The following CSMD1 variants were observed in gnomAD, a reference collection of about 807,000 sequenced individuals.
The protein encoded by CSMD1 is CUB and sushi domain-containing protein 1.
CSMD1 carries 213 observed loss-of-function variants against 417.5 expected under a neutral mutation model. The ratio of observed to expected loss-of-function variants is 0.51; its 90% CI spans 0.46 to 0.57. The LOEUF is 0.57. CSMD1 is among the 20% of genes least tolerant of loss of function. CSMD1 has a pLI of 0.00. For missense variants in CSMD1, 6,923 were observed against 4,529.7 expected, an observed-to-expected ratio of 1.53 and a Z score of -15.17; for synonymous variants, 2,862 against 1,736.8, an observed-to-expected ratio of 1.65 and a Z score of -16.11.
chr8:2,950,269 T>C lies in CSMD1; in HGVS notation c.10276A>G (p.Ser3426Gly). Residue 3426 changes from serine (S) to glycine (G), a missense_variant, in exon 67 of 70, where the codon AGC becomes GGC. Transcript: ENST00000635120. ...QIKGQADIFV[S>G]KFENDNWGLD... is the part of the protein sequence containing the mutation. ...CCCCAGTTGTCATTTTCGAACTTGC[T>C]TACAAAAATATCTGCCTGGCCTTTA... 6.2e-7 allele frequency: 1 copy of C among 1,613,304 alleles called. No individual in the cohort carries two copies. The highest frequency in any genetic ancestry group is 1.3e-5 in the African/African-American group (1 of 75,018).
chr8:3,668,044 C>T (rs1357420072), intron 7 of CSMD1, among the ~76,000 whole-genome samples: 1 of 152,132 alleles, frequency 6.6e-6, no homozygotes, highest in Non-Finnish European at 1.5e-5. Context: ...GTCCCCATCC[C>T]AAGGATGAGC....
At chr8:3,634,233 A>T (rs780536620) in intron 7 of CSMD1, among the ~76,000 whole-genome samples, 3 of 152,204 alleles carry the variant, frequency 2.0e-5, no homozygotes, top group Non-Finnish European at 4.4e-5. Context: ...TCACGTGATT[A>T]ATGGTGGGGG....
intron 3 of CSMD1, among the ~76,000 whole-genome samples, chr8:4,098,571 G>A (rs543650165): frequency 4.6e-5 from 7 of 152,158 alleles, no homozygotes; most frequent in Admixed American, 1.3e-4. Flanking sequence ...GATTCGGCCT[G>A]AAAGATTGGG....
At chr8:3,967,986 T>C (rs1483343061) in intron 5 of CSMD1, among the ~76,000 whole-genome samples, 1 of 126,342 alleles carries the variant, frequency 7.9e-6, no homozygotes, top group Non-Finnish European at 1.6e-5. Flanking sequence ...GCCAACACGG[T>C]GAAACCCCGT....
intron 4 of CSMD1, among the ~76,000 whole-genome samples, chr8:4,001,812 T>C (rs1815696295): frequency 6.6e-6 from 1 of 151,958 alleles, no homozygotes; most frequent in Non-Finnish European, 1.5e-5. Flanking sequence ...GGTAACTTTG[T>C]TGGGAAAGGA....
chr8:3,484,467 G>T (rs1476103822), intron 11 of CSMD1, among the ~76,000 whole-genome samples: 5 of 152,170 alleles, frequency 3.3e-5, no homozygotes, highest in Non-Finnish European at 7.3e-5. Flanking sequence ...AATGTAATAT[G>T]TAAAACTGTA....
intron 1 of CSMD1, among the ~76,000 whole-genome samples, chr8:4,930,321 A>C (rs905336682): frequency 1.3e-5 from 2 of 152,312 alleles, no homozygotes; most frequent in African/African-American, 4.8e-5. Flanking sequence ...ATTAACACCA[A>C]TTCTGAACAC....
chr8:3,876,647 T>G (rs1468738352), intron 5 of CSMD1, among the ~76,000 whole-genome samples: 1 of 152,258 alleles, frequency 6.6e-6, no homozygotes, highest in Non-Finnish European at 1.5e-5. Context: ...TCTTGCTCTG[T>G]TGCCTGGGGT....
At chr8:4,870,371 A>T (rs1802666084) in intron 1 of CSMD1, among the ~76,000 whole-genome samples, 1 of 152,124 alleles carries the variant, frequency 6.6e-6, no homozygotes, top group African/African-American at 2.4e-5. Context: ...ATTTCACCTA[A>T]CAAGAGTTCA....
intron 10 of CSMD1, among the ~76,000 whole-genome samples, chr8:3,508,163 G>C (rs962059149): frequency 7.2e-5 from 11 of 152,146 alleles, no homozygotes; most frequent in Admixed American, 5.9e-4. Flanking sequence ...TCATAGGTGG[G>C]AATTGAACAA....
chr8:3,448,577 G>A (rs571694522), intron 12 of CSMD1, among the ~76,000 whole-genome samples: 1 of 152,074 alleles, frequency 6.6e-6, no homozygotes, highest in Non-Finnish European at 1.5e-5. Context: ...AGGAGTTGCT[G>A]TAAGTCCATG....
At chr8:4,042,306 G>A (rs1039590831) in intron 3 of CSMD1, among the ~76,000 whole-genome samples, 4 of 152,122 alleles carry the variant, frequency 2.6e-5, no homozygotes, top group Non-Finnish European at 4.4e-5. Context: ...TAGGAGTAAT[G>A]TTCTGTGTAG....
chr8:3,082,530 C>T (rs950622652), intron 49 of CSMD1, among the ~76,000 whole-genome samples: 1 of 152,184 alleles, frequency 6.6e-6, no homozygotes, highest in East Asian at 1.9e-4. Context: ...GACTCTCTCC[C>T]TCCGGACTAG....
intron 2 of CSMD1, among the ~76,000 whole-genome samples, chr8:4,590,528 C>G (rs1344454930): frequency 2.0e-5 from 3 of 151,724 alleles, no homozygotes; most frequent in African/African-American, 7.3e-5. Context: ...TAGCATAATA[C>G]CTGGAATTAT....
chr8:3,606,088 A>T (rs996296741), intron 8 of CSMD1, among the ~76,000 whole-genome samples: 2 of 152,192 alleles, frequency 1.3e-5, no homozygotes, highest in East Asian at 1.9e-4. Flanking sequence ...AAACTCAAAG[A>T]TGCTAGGAAA....
intron 7 of CSMD1, among the ~76,000 whole-genome samples, chr8:3,635,183 A>C (rs1324342285): frequency 1.3e-5 from 2 of 152,132 alleles, no homozygotes; most frequent in Admixed American, 1.3e-4. Flanking sequence ...GCACTGCTGT[A>C]GAAACACTGT....
At chr8:3,325,583 G>T (rs2117507680) in intron 23 of CSMD1, among the ~76,000 whole-genome samples, 1 of 152,290 alleles carries the variant, frequency 6.6e-6, no homozygotes, top group Admixed American at 6.5e-5. Context: ...CAGCACTTTG[G>T]GAGGCCGAGG....
At chr8:3,175,211 G>C (rs756355839) in intron 37 of CSMD1, among the ~76,000 whole-genome samples, 23 of 152,108 alleles carry the variant, frequency 1.5e-4, no homozygotes, top group Non-Finnish European at 3.1e-4. Context: ...TAAAAATGTA[G>C]AAACAATGTC....
At chr8:3,798,439 T>C (rs775143753) in intron 5 of CSMD1, among the ~76,000 whole-genome samples, 6 of 152,080 alleles carry the variant, frequency 3.9e-5, no homozygotes, top group African/African-American at 7.2e-5. Flanking sequence ...TTCACTGATA[T>C]ACTCATTTTG....
Sources: allele counts gnomAD v4.1 joint callset (sites outside exome capture counted in the v4.1 genomes callset), GRCh38; gene constraint gnomAD v4.1.1; transcripts MANE v1.5; gene names NCBI Gene and HGNC (gene_info 2026-07-23, HGNC 2026-07-21).